CACNA1C: variants seen among roughly 807,000 people sequenced by gnomAD.
CACNA1C encodes the protein calcium voltage-gated channel subunit alpha1 C, also known as voltage-dependent L-type calcium channel subunit alpha-1C.
Under a neutral mutation model 229.0 loss-of-function variants are expected in CACNA1C, and 30 were observed. The observed-to-expected ratio is 0.13, with a 90% CI of 0.10 to 0.18. CACNA1C has a LOEUF of 0.18. CACNA1C is among the 10% of genes least tolerant of loss of function. The probability of loss-of-function intolerance (pLI) is 1.00; values close to 1 mark genes in which losing one functional copy is unlikely to be tolerated. For missense variants in CACNA1C, 1,658 were observed against 2,845.0 expected (o/e 0.58, Z 9.49); for synonymous variants, 1,114 against 1,132.5 (o/e 0.98, Z 0.33).
At chr12:2,088,654 G>A (rs1483592295) in intron 1 of CACNA1C, among the ~76,000 whole-genome samples, 1 of 152,150 alleles carries the variant, frequency 6.6e-6, no homozygotes, top group African/African-American at 2.4e-5. Flanking sequence ...TGCCTCAGAT[G>A]CGTTCTCCTT....
chr12:2,379,963 G>A (rs1371357012), intron 3 of CACNA1C, among the ~76,000 whole-genome samples: 68 of 143,718 alleles, frequency 4.7e-4, no homozygotes, highest in Middle Eastern at 7.5e-3. Flanking sequence ...CCCGGGAGGC[G>A]GAGCTTGCAG....
At chr12:2,282,935 A>T (rs1299427573) in intron 3 of CACNA1C, among the ~76,000 whole-genome samples, 1 of 151,798 alleles carries the variant, frequency 6.6e-6, no homozygotes, top group Non-Finnish European at 1.5e-5. Context: ...TGGTTGCAAG[A>T]TGGTTGTCAA....
chr12:2,197,298 G>C (rs910749052), intron 3 of CACNA1C, among the ~76,000 whole-genome samples: 1 of 152,178 alleles, frequency 6.6e-6, no homozygotes, highest in Admixed American at 6.5e-5. Context: ...AAATGCATGT[G>C]TTCCTCTCTG....
At chr12:2,328,669 A>G (rs777887741) in intron 3 of CACNA1C, among the ~76,000 whole-genome samples, 1 of 152,184 alleles carries the variant, frequency 6.6e-6, no homozygotes, top group African/African-American at 2.4e-5. Context: ...TGAGAACTGA[A>G]TCAATGAATG....
intron 3 of CACNA1C, among the ~76,000 whole-genome samples, chr12:2,243,460 C>A (rs2071508800): frequency 6.6e-6 from 1 of 152,164 alleles, no homozygotes. Flanking sequence ...CTGCTGGTAG[C>A]CACTGATCAA....
At chr12:2,036,992 C>T (rs2049269393) in intron 1 of CACNA1C, among the ~76,000 whole-genome samples, 2 of 152,106 alleles carry the variant, frequency 1.3e-5, no homozygotes, top group Admixed American at 1.3e-4. Flanking sequence ...CACTCATTTC[C>T]CCTTGTTTTC....
chr12:2,067,226 T>G lies in CACNA1C; in HGVS notation c.49+13615T>G, dbSNP rs1052754289. On this transcript the variant is annotated intron_variant, in intron 1 of 46. Transcript: ENST00000399655. This position sits in a 1 kb window ranked among gnomAD's most constrained non-coding sequence, Gnocchi z 5.3. The stretch of plus-strand genomic sequence containing the variant: ...AGTGGGATGCAGGAGCCAGGATGCA[T>G]CGTTTTAGTGGGAGTCAGGGAGTCT... Among the ~76,000 whole-genome samples the G allele has an allele frequency of 1.3e-5, 2 of 151,836 alleles. No individual in the cohort carries two copies. The highest frequency in any genetic ancestry group is 4.8e-5 in the African/African-American group (2 of 41,318).
intron 3 of CACNA1C, among the ~76,000 whole-genome samples, chr12:2,183,724 C>T (rs111935341): frequency 9.8e-5 from 15 of 152,314 alleles, no homozygotes; most frequent in African/African-American, 1.4e-4. Flanking sequence ...GCTCTGCCCT[C>T]GTCTCTTGCC....
rs78913490 is a variant in CACNA1C, at chr12:2,168,734, C to T, written c.477+48304C>T. On this transcript the variant is annotated intron_variant, in intron 3 of 46. Coordinates refer to ENST00000399655, the MANE Select transcript of CACNA1C (RefSeq NM_000719.7). ...AGTCCTCAGAGAGGTGGAGGTGGGCCTAGCAAGAACCCAATGCTAGGGATT... is the reference window on the plus strand; with the variant it reads ...AGTCCTCAGAGAGGTGGAGGTGGGCTTAGCAAGAACCCAATGCTAGGGATT... Among the ~76,000 whole-genome samples, 1,425 of 152,132 alleles carry T rather than the reference C, an allele frequency of 9.4e-3. 9 individuals carry two copies. The highest frequency in any genetic ancestry group is 0.015 in the Non-Finnish European group (1,043 of 68,000).
In CACNA1C at chr12:2,677,996, T is replaced by A; in HGVS notation, c.5091+129T>A. ...AGAGGAAAGGGCTACTTCCAGGCTC[T>A]TCCTGATGAGCTGTCTCCTCACCCC... On this transcript the variant is annotated intron_variant, in intron 41 of 46. Transcript: ENST00000399655. This position sits in a 1 kb window ranked among gnomAD's most constrained non-coding sequence, Gnocchi z 7.4. 1 of 1,080,876 alleles carries A rather than the reference T, an allele frequency of 9.3e-7. No individual in the cohort carries two copies. The highest frequency in any genetic ancestry group is 1.4e-6 in the Non-Finnish European group (1 of 738,476). 67.0% of individuals were successfully genotyped at this position (1,080,876 alleles called of 1,614,324 possible). A position where few individuals can be genotyped will look rare whatever the true frequency, so the allele number is the denominator to read the frequency against.
intron 9 of CACNA1C, among the ~76,000 whole-genome samples, chr12:2,524,833 G>A (rs2099815945): frequency 1.3e-5 from 2 of 152,222 alleles, no homozygotes; most frequent in Admixed American, 1.3e-4. Flanking sequence ...CCAGGGGACT[G>A]GCGAAGAGCA....
intron 5 of CACNA1C, among the ~76,000 whole-genome samples, chr12:2,470,778 T>TC (rs1345354078): frequency 6.6e-6 from 1 of 152,060 alleles, no homozygotes; most frequent in African/African-American, 2.4e-5. Flanking sequence ...TGGGTCCAAC[T>TC]CCCTATCTGT....
chr12:2,414,683 C>G (rs892972420), intron 3 of CACNA1C, among the ~76,000 whole-genome samples: 1 of 152,290 alleles, frequency 6.6e-6, no homozygotes, highest in African/African-American at 2.4e-5. Flanking sequence ...ACAGGGCATA[C>G]GAGCTCATTA....
Position 2,146,749 on chromosome 12 carries a change from A to G in CACNA1C, c.477+26319A>G, listed in dbSNP as rs545974877. ...TGGTGGGCAGAGCGTCACACAACCAAACTCGCGTAGCCTTCTTCACCCTTT... is the reference window on the plus strand; with the variant it reads ...TGGTGGGCAGAGCGTCACACAACCAGACTCGCGTAGCCTTCTTCACCCTTT... On this transcript the variant is annotated intron_variant, in intron 3 of 46. Transcript: ENST00000399655. Among the ~76,000 whole-genome samples the G allele has an allele frequency of 1.3e-5, 2 of 151,200 alleles. 1 individual carries two copies. The highest frequency in any genetic ancestry group is 1.3e-4 in the Admixed American group (2 of 15,072).
intron 3 of CACNA1C, among the ~76,000 whole-genome samples, chr12:2,356,276 G>A (rs2097359794): frequency 2.0e-5 from 3 of 152,212 alleles, no homozygotes; most frequent in Non-Finnish European, 4.4e-5. Context: ...CATTTATTGT[G>A]CATCTTAATG....
rs1360503014 is a variant in CACNA1C at position 2,488,669 on chromosome 12, A to G, written c.916+2407A>G. ...GGCTCCCATCACAGAAATGGCCATG[A>G]GCCAAGGGGGCCAGGACAACAGCAG... On this transcript the variant is annotated intron_variant, in intron 6 of 46. Transcript: ENST00000399655. This position sits in a 1 kb window ranked among gnomAD's most constrained non-coding sequence, Gnocchi z 4.0. 6.6e-6 allele frequency among the ~76,000 whole-genome samples: 1 copy of G among 152,218 alleles called. No individual in the cohort carries two copies. Among genetic ancestry groups the G allele is most frequent in the Non-Finnish European group, 1.5e-5 (1 of 68,042 alleles).
intron 45 of CACNA1C, among the ~76,000 whole-genome samples, chr12:2,687,977 T>G (rs1236687132): frequency 6.6e-6 from 1 of 152,258 alleles, no homozygotes; most frequent in African/African-American, 2.4e-5. Flanking sequence ...CCCAACTCTT[T>G]GTGAGGTGCA....
At chr12:2,065,250 C>A (rs747668229) in intron 1 of CACNA1C, among the ~76,000 whole-genome samples, 1 of 152,138 alleles carries the variant, frequency 6.6e-6, no homozygotes, top group Non-Finnish European at 1.5e-5. Flanking sequence ...GGATCTTGTG[C>A]CTCTGTTTTT....
At chr12:2,209,703 C>A (rs1435743127) in intron 3 of CACNA1C, among the ~76,000 whole-genome samples, 1 of 152,196 alleles carries the variant, frequency 6.6e-6, no homozygotes, top group Non-Finnish European at 1.5e-5. Context: ...CCAAGGGAAT[C>A]TGATGGGGCA....
Sources: gnomAD v4.1 joint callset for allele counts (sites outside exome capture counted in the v4.1 genomes callset) on GRCh38, gnomAD v4.1.1 for gene constraint, Gnocchi (gnomAD v3.1) non-coding constraint, MANE v1.5 for transcripts, NCBI Gene and HGNC (gene_info 2026-07-23, HGNC 2026-07-21) for gene names.